The following HACD2 variants were observed in gnomAD, a reference collection of about 807,000 sequenced individuals.
The protein encoded by HACD2 is very-long-chain (3R)-3-hydroxyacyl-CoA dehydratase 2.
In HACD2, 15 loss-of-function variants were observed where a neutral mutation model predicts 31.0. The observed-to-expected ratio is 0.48, with a 90% CI of 0.32 to 0.75. The LOEUF (loss-of-function observed/expected upper bound fraction) is 0.75. Among genes scored for constraint, HACD2 ranks in the 30% least tolerant of loss-of-function variants. The probability of loss-of-function intolerance (pLI) is 0.03; values close to 1 mark genes in which losing one functional copy is unlikely to be tolerated. For missense variants in HACD2, 283 were observed against 313.0 expected, an observed-to-expected ratio of 0.90 and a Z score of 0.72; for synonymous variants, 115 against 122.2, an observed-to-expected ratio of 0.94 and a Z score of 0.39.
At chr3:123,508,120 G>C (rs1466269041) in intron 4 of HACD2, among the ~76,000 whole-genome samples, 1 of 152,200 alleles carries the variant, frequency 6.6e-6, no homozygotes, top group Non-Finnish European at 1.5e-5. Flanking sequence ...TTACTAAGGA[G>C]AAAAGGGAGA....
chr3:123,492,002 C>T lies in HACD2; in HGVS notation c.*2886G>A, dbSNP rs2055769728. 1 of 152,200 alleles carries T rather than the reference C, an allele frequency of 6.6e-6. No homozygotes were observed. Among genetic ancestry groups the T allele is most frequent in the Non-Finnish European group, 1.5e-5 (1 of 68,032 alleles). 9.4% of individuals were successfully genotyped at this position (152,200 alleles called of 1,614,324 possible). A position where few individuals can be genotyped will look rare whatever the true frequency, so the allele number is the denominator to read the frequency against. On this transcript the variant is annotated 3_prime_UTR_variant, in exon 7 of 7. Coordinates refer to ENST00000383657, the MANE Select transcript of HACD2 (RefSeq NM_198402.5). ...AAAATGAGGGCACGATCTCTTCTTA[C>T]ACCTCTTCAACTCTCCAGCATCTAA...
At chr3:123,577,620 C>CAAAAA (rs35024817) in intron 2 of HACD2, among the ~76,000 whole-genome samples, 2 of 90,442 alleles carry the variant, frequency 2.2e-5, no homozygotes, top group African/African-American at 6.6e-5. Context: ...GACTCTGTCT[C>CAAAAA]AAAAAAAAAA....
At chr3:123,495,020 G>T in intron 6 of HACD2, 50 bp from the exon 7 acceptor site, 1 of 1,144,756 alleles carries the variant, frequency 8.7e-7, no homozygotes, top group Non-Finnish European at 1.3e-6. Context: ...AATTGCATAT[G>T]CTCTATTTAA....
chr3:123,557,622 G>A (rs796096777), intron 3 of HACD2, among the ~76,000 whole-genome samples: 2 of 152,148 alleles, frequency 1.3e-5, no homozygotes, highest in East Asian at 3.8e-4. Flanking sequence ...CTGGATGACA[G>A]AGTGAGACTG....
chr3:123,523,137 T>G (rs2056237779), intron 4 of HACD2, among the ~76,000 whole-genome samples: 1 of 152,006 alleles, frequency 6.6e-6, no homozygotes, highest in Admixed American at 6.6e-5. Context: ...ACGAGCACAC[T>G]GTGACCCAGC....
At chr3:123,524,466 A>AAGCAATGTGGGCCC (rs2056254083) in intron 4 of HACD2, among the ~76,000 whole-genome samples, 1 of 152,188 alleles carries the variant, frequency 6.6e-6, no homozygotes, top group Admixed American at 6.5e-5. Context: ...TGTGTTGCAG[A>AAGCAATGTGGGCCC]TAAGCACCTA....
At chr3:123,571,869 T>C (rs958969500) in intron 2 of HACD2, among the ~76,000 whole-genome samples, 2 of 152,190 alleles carry the variant, frequency 1.3e-5, no homozygotes, top group Non-Finnish European at 2.9e-5. Context: ...TAATAAGCTT[T>C]TTAATTTTTC....
chr3:123,495,291 C>T (rs1576722016), intron 6 of HACD2, among the ~76,000 whole-genome samples: 1 of 152,154 alleles, frequency 6.6e-6, no homozygotes, highest in African/African-American at 2.4e-5. Flanking sequence ...CACATTTATT[C>T]TGATTAACTT....
intron 3 of HACD2, among the ~76,000 whole-genome samples, chr3:123,548,565 AACT>A (rs1053814911): frequency 3.3e-5 from 5 of 152,152 alleles, no homozygotes; most frequent in South Asian, 2.1e-4. Flanking sequence ...ATCAATAGAA[AACT>A]ACTACTACTA....
intron 6 of HACD2, chr3:123,499,528 C>T (rs903008087): frequency 2.4e-6 from 1 of 415,486 alleles, no homozygotes; most frequent in African/African-American, 2.1e-5. Context: ...TTTTTTCTCA[C>T]AATGCATGAA....
rs2055889804 is a variant in HACD2 at position 123,500,530 on chromosome 3, T to G, written c.667A>C (p.Ile223Leu). ...DYYAFLILIM[I>L]SYIPIFPQLY... ...GTTTACTTACTTGGAATGTAGGAGA[T>G]CATTATTAGAATCAGGAATGCATAG... Residue 223 changes from isoleucine to leucine, a missense_variant, in exon 6 of 7, where the codon ATC becomes CTC. This residue lies in a region of HACD2 where 85 missense variants were observed against 129.6 expected (regional missense o/e 0.66). Coordinates refer to ENST00000383657, the MANE Select transcript of HACD2 (RefSeq NM_198402.5). The G allele has an allele frequency of 6.2e-7, 1 of 1,604,262 alleles. No individual in the cohort carries two copies. Among genetic ancestry groups the G allele is most frequent in the African/African-American group, 1.3e-5 (1 of 74,624 alleles).
In HACD2 at chr3:123,566,005, T is replaced by C. The variant is rs572738448; in HGVS notation, c.292+1757A>G. ...AGCTGTATGAGCTGGGCCAGATCACTAGTTTTCTCTGGGAAAGCAGACCAC... is the reference window on the plus strand; with the variant it reads ...AGCTGTATGAGCTGGGCCAGATCACCAGTTTTCTCTGGGAAAGCAGACCAC... On this transcript the variant is annotated intron_variant, in intron 3 of 6. Coordinates refer to ENST00000383657, the MANE Select transcript of HACD2 (RefSeq NM_198402.5). 5.0e-4 allele frequency among the ~76,000 whole-genome samples: 76 copies of C among 152,286 alleles called. 2 individuals are homozygous for C. The South Asian group carries it at 0.014, about 27-fold the overall frequency.
chr3:123,555,769 A>G (rs1414578976), intron 3 of HACD2, among the ~76,000 whole-genome samples: 1 of 152,228 alleles, frequency 6.6e-6, no homozygotes. Context: ...CCCATACAAT[A>G]CTGAAAAAAG....
chr3:123,584,527 G>A (rs552161478), intron 1 of HACD2: 61 of 210,658 alleles, frequency 2.9e-4, no homozygotes, highest in Middle Eastern at 3.0e-3. Context: ...CGCCCAGGAC[G>A]GGCTCCGCGC....
chr3:123,537,343 A>C (rs1387642959), intron 3 of HACD2, among the ~76,000 whole-genome samples: 2 of 152,184 alleles, frequency 1.3e-5, no homozygotes, highest in African/African-American at 4.8e-5. Flanking sequence ...AAGGTGAGAC[A>C]ATCACTTGAG....
rs76200971 is a variant in HACD2 at position 123,523,243 on chromosome 3, A to C, written c.381+5143T>G. Among the ~76,000 whole-genome samples, 1,320 of 152,304 alleles carry C rather than the reference A, an allele frequency of 8.7e-3. 18 individuals are homozygous for C. Among genetic ancestry groups the C allele is most frequent in the African/African-American group, 0.03 (1,235 of 41,554 alleles). On this transcript the variant is annotated intron_variant, in intron 4 of 6. Transcript: ENST00000383657. The stretch of plus-strand genomic sequence containing the variant: ...ATGTATCTGGTGTTTTGGCTTCTAC[A>C]AGAGTTGAACGGAAGAGGGAAAGAG...
intron 3 of HACD2, among the ~76,000 whole-genome samples, chr3:123,536,048 TC>T (rs754225086): frequency 8.5e-5 from 13 of 152,230 alleles, no homozygotes; most frequent in Non-Finnish European, 1.8e-4. Flanking sequence ...TTATATACAT[TC>T]TTTTTTCAAT....
intron 3 of HACD2, among the ~76,000 whole-genome samples, chr3:123,555,133 G>A (rs1393319509): frequency 6.6e-6 from 1 of 152,152 alleles, no homozygotes; most frequent in Non-Finnish European, 1.5e-5. Context: ...AGTAGAAAGT[G>A]TATATGCCTT....
chr3:123,516,062 G>A (rs960423635), intron 4 of HACD2, among the ~76,000 whole-genome samples: 1 of 151,590 alleles, frequency 6.6e-6, no homozygotes, highest in Non-Finnish European at 1.5e-5. Context: ...GCCTGGCCTA[G>A]TATTAGTCTT....
Sources: allele counts gnomAD v4.1 joint callset (sites outside exome capture counted in the v4.1 genomes callset), GRCh38; gene constraint gnomAD v4.1.1; regional missense constraint gnomAD v4.1.1; transcripts MANE v1.5; gene names NCBI Gene and HGNC (gene_info 2026-07-23, HGNC 2026-07-21).